FCHSD2: variants seen among roughly 807,000 people sequenced by gnomAD.
FCHSD2 encodes F-BAR and double SH3 domains protein 2.
Under a neutral mutation model 108.1 loss-of-function variants are expected in FCHSD2, and 38 were observed. The observed-to-expected ratio is 0.35, with a 90% CI of 0.27 to 0.46. FCHSD2 has a LOEUF of 0.46. Among genes scored for constraint, FCHSD2 ranks in the 20% least tolerant of loss-of-function variants. The pLI, the probability that FCHSD2 is intolerant of heterozygous loss-of-function variation, is 1.00. For synonymous variants in FCHSD2, 279 were observed against 314.7 expected (o/e 0.89, Z 1.20); for missense variants, 751 against 897.8 (o/e 0.84, Z 2.09).
intron 8 of FCHSD2, chr11:72,940,965 T>A: frequency 1.3e-6 from 1 of 758,064 alleles, no homozygotes; most frequent in Non-Finnish European, 2.4e-6. Context: ...AAGCAGTCTA[T>A]AAGCACAGGG....
At chr11:72,958,472 C>T (rs1461810022) in intron 8 of FCHSD2, among the ~76,000 whole-genome samples, 1 of 152,160 alleles carries the variant, frequency 6.6e-6, no homozygotes, top group African/African-American at 2.4e-5. Context: ...GAGCTGAGAT[C>T]GCACCACTGC....
chr11:73,060,857 A>G (rs1429015242), intron 3 of FCHSD2, among the ~76,000 whole-genome samples: 1 of 152,168 alleles, frequency 6.6e-6, no homozygotes, highest in East Asian at 1.9e-4. Flanking sequence ...ACAGTGGGAC[A>G]GGGATCAGGA....
chr11:72,943,815 G>A (rs1856467232), intron 8 of FCHSD2, among the ~76,000 whole-genome samples: 2 of 152,142 alleles, frequency 1.3e-5, no homozygotes, highest in East Asian at 1.9e-4. Context: ...AGAAGTTTCA[G>A]TTAGCACATC....
At chr11:73,114,411 C>T (rs1340061962) in intron 2 of FCHSD2, among the ~76,000 whole-genome samples, 2 of 152,052 alleles carry the variant, frequency 1.3e-5, no homozygotes, top group African/African-American at 4.8e-5. Flanking sequence ...CAAGAGCCTG[C>T]TTGGTGCTCT....
At chr11:72,906,715 T>C (rs1855637791) in intron 9 of FCHSD2, among the ~76,000 whole-genome samples, 1 of 152,210 alleles carries the variant, frequency 6.6e-6, no homozygotes, top group African/African-American at 2.4e-5. Context: ...GTCAGGTTTA[T>C]CAAAGATCAG....
intron 3 of FCHSD2, among the ~76,000 whole-genome samples, chr11:73,019,213 A>T (rs1858043155): frequency 6.6e-6 from 1 of 152,226 alleles, no homozygotes; most frequent in African/African-American, 2.4e-5. Flanking sequence ...AGCAGGATTA[A>T]GACAGAAAGC....
chr11:73,025,894 G>C (rs757828462), intron 3 of FCHSD2, among the ~76,000 whole-genome samples: 1 of 152,002 alleles, frequency 6.6e-6, no homozygotes, highest in Non-Finnish European at 1.5e-5. Flanking sequence ...TATACCAGTA[G>C]GTATGTGTGG....
chr11:73,136,453 T>C (rs923961628), intron 2 of FCHSD2, among the ~76,000 whole-genome samples: 15 of 149,250 alleles, frequency 1.0e-4, no homozygotes, highest in African/African-American at 1.2e-4. Flanking sequence ...GAGGATGAGA[T>C]GGGAGGATCG....
chr11:73,095,277 C>T (rs1860048422), intron 2 of FCHSD2, among the ~76,000 whole-genome samples: 1 of 152,112 alleles, frequency 6.6e-6, no homozygotes, highest in South Asian at 2.1e-4. Context: ...TTATAAAGGA[C>T]TTGGGATAAA....
chr11:72,878,872 C>T (rs1428027330), intron 12 of FCHSD2, among the ~76,000 whole-genome samples: 1 of 151,854 alleles, frequency 6.6e-6, no homozygotes, highest in Non-Finnish European at 1.5e-5. Context: ...TTTGGGAGGC[C>T]GAGGCGGGCA....
intron 8 of FCHSD2, chr11:72,940,796 G>A: frequency 2.4e-6 from 2 of 847,634 alleles, no homozygotes; most frequent in South Asian, 2.6e-5. Context: ...AGCCTTCAGT[G>A]CGTTGCAGAG....
At chr11:73,040,184 G>A (rs1219590889) in intron 3 of FCHSD2, among the ~76,000 whole-genome samples, 4 of 152,142 alleles carry the variant, frequency 2.6e-5, no homozygotes, top group Non-Finnish European at 4.4e-5. Context: ...CTCTGTGTCA[G>A]CAGCCCAAAC....
intron 8 of FCHSD2, among the ~76,000 whole-genome samples, chr11:72,946,677 C>T (rs6592502): frequency 0.95 from 144,832 of 152,274 alleles, 69,182 homozygotes; most frequent in East Asian, 1. Flanking sequence ...CTTTAAAATA[C>T]GATGGTATAA....
chr11:73,117,379 A>G (rs1860629004), intron 2 of FCHSD2, among the ~76,000 whole-genome samples: 1 of 152,132 alleles, frequency 6.6e-6, no homozygotes, highest in African/African-American at 2.4e-5. Context: ...CATGATTTAT[A>G]TTTTATTATT....
intron 2 of FCHSD2, among the ~76,000 whole-genome samples, chr11:73,122,436 A>C (rs1033305150): frequency 1.3e-5 from 2 of 152,186 alleles, no homozygotes; most frequent in Non-Finnish European, 2.9e-5. Context: ...TCAGTGGCAG[A>C]CTGCACTATC....
At chr11:73,039,987 G>C (rs1858595784) in intron 3 of FCHSD2, among the ~76,000 whole-genome samples, 1 of 152,184 alleles carries the variant, frequency 6.6e-6, no homozygotes, top group South Asian at 2.1e-4. Context: ...AGTTGTGCCA[G>C]TGGAAAAAGA....
chr11:73,110,024 C>T (rs12793874), intron 2 of FCHSD2, among the ~76,000 whole-genome samples: 9,674 of 152,134 alleles, frequency 0.064, 417 homozygotes, highest in Non-Finnish European at 0.097. Flanking sequence ...TCCTTGCATC[C>T]CTGGGATATA....
chr11:73,124,795 GT>G (rs1490482771), intron 2 of FCHSD2, among the ~76,000 whole-genome samples: 1 of 151,562 alleles, frequency 6.6e-6, no homozygotes, highest in Non-Finnish European at 1.5e-5. Flanking sequence ...AGTTTCCCAG[GT>G]TTCATGAAAA....
chr11:73,074,002 A>C (rs1345755067), intron 3 of FCHSD2, among the ~76,000 whole-genome samples: 1 of 152,200 alleles, frequency 6.6e-6, no homozygotes, highest in Non-Finnish European at 1.5e-5. Flanking sequence ...GAAAATATAA[A>C]GGGCAATAAT....
Sources: gnomAD v4.1 joint callset for allele counts (sites outside exome capture counted in the v4.1 genomes callset) on GRCh38, gnomAD v4.1.1 for gene constraint, MANE v1.5 for transcripts, NCBI Gene and HGNC (gene_info 2026-07-23, HGNC 2026-07-21) for gene names.